The following CNTNAP4 variants were observed in gnomAD, a reference collection of about 807,000 sequenced individuals.
The protein encoded by CNTNAP4 is contactin-associated protein-like 4.
CNTNAP4 carries 98 observed loss-of-function variants against 148.4 expected under a neutral mutation model. The ratio of observed to expected loss-of-function variants is 0.66; its 90% CI spans 0.56 to 0.78. The LOEUF (loss-of-function observed/expected upper bound fraction) is 0.78. Ranked by LOEUF, CNTNAP4 falls within the 30% of genes least tolerant of loss-of-function variation. The pLI is 0.00. For synonymous variants in CNTNAP4, 730 were observed against 565.1 expected, an observed-to-expected ratio of 1.29 and a Z score of -4.14; for missense variants, 1,935 against 1,565.6, an observed-to-expected ratio of 1.24 and a Z score of -3.98.
intron 3 of CNTNAP4, among the ~76,000 whole-genome samples, chr16:76,423,147 C>T (rs12931907): frequency 0.35 from 53,263 of 151,930 alleles, 10,988 homozygotes; most frequent in Non-Finnish European, 0.44. Context: ...TTTCCAGCCT[C>T]CAGAACTGTG....
chr16:76,446,361 A>G (rs943864837), intron 4 of CNTNAP4, among the ~76,000 whole-genome samples: 2 of 152,152 alleles, frequency 1.3e-5, no homozygotes, highest in African/African-American at 4.8e-5. Context: ...TTTATTACAT[A>G]AGTGCACTCT....
At chr16:76,378,480 A>G (rs1055344953) in intron 3 of CNTNAP4, among the ~76,000 whole-genome samples, 3 of 152,190 alleles carry the variant, frequency 2.0e-5, no homozygotes, top group Admixed American at 1.3e-4. Context: ...TGTTTCTGGC[A>G]TAGGTGTATA....
chr16:76,524,824 A>G (rs72799049), intron 17 of CNTNAP4, among the ~76,000 whole-genome samples: 28,956 of 152,088 alleles, frequency 0.19, 3,446 homozygotes, highest in Middle Eastern at 0.31. Flanking sequence ...AATAAAAAAG[A>G]TGAGGCAACA....
intron 17 of CNTNAP4, among the ~76,000 whole-genome samples, chr16:76,534,091 CCTCATT>C (rs1163968068): frequency 6.6e-6 from 1 of 152,108 alleles, no homozygotes; most frequent in African/African-American, 2.4e-5. Flanking sequence ...TAAATTCGGG[CCTCATT>C]CTCAGTCTCA....
chr16:76,277,655 A>G lies in CNTNAP4; in HGVS notation c.-8A>G, dbSNP rs1958527664. 6.3e-7 allele frequency: 1 copy of G among 1,593,808 alleles called. No individual in the cohort carries two copies. Among genetic ancestry groups the G allele is most frequent in the Non-Finnish European group, 8.6e-7 (1 of 1,167,986 alleles). On this transcript the variant is annotated 5_prime_UTR_variant, in exon 1 of 24. An upstream start codon of the reference 5' UTR is lost. Transcript: ENST00000611870. ...AAGATCTTTTGGGGGAGCCCAATAAATGTGAACATGGGATCTGTCACGGGA... is the reference window on the plus strand; with the variant it reads ...AAGATCTTTTGGGGGAGCCCAATAAGTGTGAACATGGGATCTGTCACGGGA...
At chr16:76,459,396 GCCTTTCCTATTATCTTA>G (rs1201433014) in intron 8 of CNTNAP4, among the ~76,000 whole-genome samples, 40 of 152,208 alleles carry the variant, frequency 2.6e-4, no homozygotes, top group African/African-American at 9.6e-4. Context: ...CAGTTTTCAG[GCCTTTCCTATTATCTTA>G]CACAAACCAA....
chr16:76,390,699 C>T (rs907538959), intron 3 of CNTNAP4, among the ~76,000 whole-genome samples: 11 of 152,150 alleles, frequency 7.2e-5, no homozygotes, highest in Non-Finnish European at 1.3e-4. Flanking sequence ...GTTGTCCCTG[C>T]CCTTATTATT....
chr16:76,489,671 A>AT lies in CNTNAP4; in HGVS notation c.1883-12dup. 1 of 1,461,088 alleles carries AT rather than the reference A, an allele frequency of 6.8e-7. No homozygotes were observed. Among genetic ancestry groups the AT allele is most frequent in the South Asian group, 1.5e-5 (1 of 68,142 alleles). 90.5% of individuals were successfully genotyped at this position (1,461,088 alleles called of 1,614,324 possible). On this transcript the variant is annotated splice_polypyrimidine_tract_variant and intron_variant, in intron 12 of 23. Coordinates refer to ENST00000611870, the MANE Select transcript of CNTNAP4 (RefSeq NM_033401.5). ...GATGGTCTCCTCTCTTTCTCCCCCC[A>AT]TTTCTGCATACAAGAAACTGCATGG...
At chr16:76,326,892 A>G (rs1963038519) in intron 2 of CNTNAP4, among the ~76,000 whole-genome samples, 1 of 152,156 alleles carries the variant, frequency 6.6e-6, no homozygotes, top group Non-Finnish European at 1.5e-5. Context: ...TGGCACATGT[A>G]TACATATGTA....
rs529047215 is a variant in CNTNAP4 at position 76,554,549 on chromosome 16, TA to T, written c.3733+643del. 3.7e-3 allele frequency among the ~76,000 whole-genome samples: 560 copies of T among 152,256 alleles called. 1 individual carries two copies. Among genetic ancestry groups the T allele is most frequent in the Non-Finnish European group, 6.8e-3 (463 of 67,992 alleles). The stretch of plus-strand genomic sequence containing the variant: ...GGAAATGTGACAGCATATTCTCTGA[TA>T]TTTTTTTTCAAAAGCAACTCAAAAA... On this transcript the variant is annotated intron_variant, in intron 23 of 23. Transcript: ENST00000611870.
intron 4 of CNTNAP4, among the ~76,000 whole-genome samples, chr16:76,433,115 C>T (rs535115965): frequency 2.0e-5 from 3 of 152,236 alleles, no homozygotes; most frequent in East Asian, 1.9e-4. Context: ...GACATGCCCA[C>T]GTTATACTGG....
chr16:76,493,907 T>C (rs2082312844), intron 13 of CNTNAP4, among the ~76,000 whole-genome samples: 1 of 152,206 alleles, frequency 6.6e-6, no homozygotes, highest in Non-Finnish European at 1.5e-5. Context: ...TTGGCATTTA[T>C]AAGCAAGGGA....
At chr16:76,362,433 G>T (rs1392744958) in intron 3 of CNTNAP4, among the ~76,000 whole-genome samples, 1 of 152,078 alleles carries the variant, frequency 6.6e-6, no homozygotes, top group Non-Finnish European at 1.5e-5. Context: ...AGAAATTTAG[G>T]TAGAACCACA....
chr16:76,454,284 T>G (rs963105595), intron 8 of CNTNAP4, among the ~76,000 whole-genome samples: 4 of 152,136 alleles, frequency 2.6e-5, no homozygotes, highest in African/African-American at 9.7e-5. Flanking sequence ...CCAGCTAATT[T>G]GGTATTTTTT....
intron 14 of CNTNAP4, among the ~76,000 whole-genome samples, chr16:76,496,102 T>TGTGTGTGTGTGC (rs1163854808): frequency 1.3e-5 from 2 of 150,380 alleles, no homozygotes; most frequent in African/African-American, 4.8e-5. Context: ...TGTGTGTGTG[T>TGTGTGTGTGTGC]GTGTGCGTGT....
At chr16:76,343,663 GTTACATTTGC>G (rs574390060) in intron 2 of CNTNAP4, among the ~76,000 whole-genome samples, 69 of 152,214 alleles carry the variant, frequency 4.5e-4, no homozygotes, top group African/African-American at 1.6e-3. Context: ...CCAATGGTTT[GTTACATTTGC>G]TTACATTTGC....
In CNTNAP4 at chr16:76,498,648, T is replaced by C. The variant is rs1339736683; in HGVS notation, c.2319T>C (p.His773=). 1 of 1,613,040 alleles carries C rather than the reference T, an allele frequency of 6.2e-7. No homozygotes were observed. The change falls in exon 15 of 24, where the codon CAT becomes CAC. Residue 773 remains histidine, a synonymous_variant. Transcript: ENST00000611870. The part of the protein sequence containing the change: ...KIVITDTGRL[H]SEAAYKLGPL... ...TGATTACAGACACAGGCCGACTGCA[T>C]TCAGAAGCAGCTTATAAACTGGGGC...
intron 10 of CNTNAP4, among the ~76,000 whole-genome samples, chr16:76,468,625 C>T (rs1426653073): frequency 6.6e-6 from 1 of 152,128 alleles, no homozygotes; most frequent in Non-Finnish European, 1.5e-5. Context: ...ACTGGGACTG[C>T]AGGCACACAA....
chr16:76,527,312 G>GTC (rs1203948020), intron 17 of CNTNAP4, among the ~76,000 whole-genome samples: 1 of 152,138 alleles, frequency 6.6e-6, no homozygotes, highest in Non-Finnish European at 1.5e-5. Context: ...TTAGGGTTAA[G>GTC]TCTTGCTCTA....
Sources: allele counts gnomAD v4.1 joint callset (sites outside exome capture counted in the v4.1 genomes callset), GRCh38; gene constraint gnomAD v4.1.1; transcripts MANE v1.5; gene names NCBI Gene and HGNC (gene_info 2026-07-23, HGNC 2026-07-21).